Variants in ARHGEF3 observed in about 807,000 individuals in gnomAD.
ARHGEF3 encodes Rho guanine nucleotide exchange factor 3.
A neutral mutation model predicts 63.2 loss-of-function variants in ARHGEF3; 28 were observed. The observed-to-expected ratio is 0.44, with a 90% CI of 0.33 to 0.61. The LOEUF is 0.61. Ranked by LOEUF, ARHGEF3 falls within the 20% of genes least tolerant of loss-of-function variation. The pLI, the probability that ARHGEF3 is intolerant of heterozygous loss-of-function variation, is 0.03. For missense variants in ARHGEF3, 533 were observed against 659.3 expected (o/e 0.81, Z 2.10); for synonymous variants, 266 against 254.2 (o/e 1.05, Z -0.44).
intron 2 of ARHGEF3, among the ~76,000 whole-genome samples, chr3:56,971,297 C>A (rs1700900576): frequency 6.6e-6 from 1 of 152,064 alleles, no homozygotes. Flanking sequence ...CGGCAGGGAC[C>A]CCGAAGCAAG....
intron 2 of ARHGEF3, among the ~76,000 whole-genome samples, chr3:57,028,459 G>A (rs1235852705): frequency 7.0e-5 from 7 of 100,214 alleles, no homozygotes; most frequent in African/African-American, 2.4e-4. Context: ...ACCAAACACC[G>A]CATATTCTCA....
chr3:57,058,792 C>G (rs548158368), intron 1 of ARHGEF3, among the ~76,000 whole-genome samples: 1 of 152,126 alleles, frequency 6.6e-6, no homozygotes, highest in African/African-American at 2.4e-5. Context: ...CACATATACA[C>G]CATGGAATAC....
At chr3:56,957,786 C>T (rs1578950130) in intron 3 of ARHGEF3, among the ~76,000 whole-genome samples, 1 of 152,048 alleles carries the variant, frequency 6.6e-6, no homozygotes, top group Non-Finnish European at 1.5e-5. Context: ...AGAGAGTGCT[C>T]TAGGCAGAAG....
At chr3:56,842,568 T>C (rs1500708) in intron 4 of ARHGEF3, among the ~76,000 whole-genome samples, 114,803 of 152,074 alleles carry the variant, frequency 0.75, 43,455 homozygotes, top group East Asian at 0.81. Context: ...GAGTTTCTTC[T>C]GGTACCCTTC....
At chr3:57,019,627 T>C (rs1703163412) in intron 2 of ARHGEF3, among the ~76,000 whole-genome samples, 1 of 152,182 alleles carries the variant, frequency 6.6e-6, no homozygotes, top group African/African-American at 2.4e-5. Context: ...AGATGCCACA[T>C]CAGATCAGGC....
chr3:57,037,876 AAAAACAAAAC>A (rs10655156), intron 1 of ARHGEF3, among the ~76,000 whole-genome samples: 35 of 146,386 alleles, frequency 2.4e-4, no homozygotes, highest in African/African-American at 7.8e-4. Context: ...CTCCGTCTCA[AAAAACAAAAC>A]AAAACAAAAC....
chr3:56,732,376 C>T lies in ARHGEF3; in HGVS notation c.1090G>A (p.Val364Ile), dbSNP rs575159516. The T allele has an allele frequency of 3.2e-5, 51 of 1,614,110 alleles. No individual in the cohort carries two copies. The highest frequency in any genetic ancestry group is 2.3e-4 in the Admixed American group (14 of 60,018). ...FQEVLVITRA[V>I]THNEQLCYQL... ...TAGCAAAGCTGCTCATTGTGGGTGA[C>T]GGCTCGAGTGATCACAAGCACTTCT... Residue 364 changes from valine to isoleucine, a missense_variant, in exon 9 of 10, where the codon GTC becomes ATC. Coordinates refer to ENST00000296315, the MANE Select transcript of ARHGEF3 (RefSeq NM_019555.3).
At chr3:57,072,852 CT>C (rs1705997828) in intron 1 of ARHGEF3, among the ~76,000 whole-genome samples, 2 of 152,136 alleles carry the variant, frequency 1.3e-5, no homozygotes, top group Admixed American at 6.6e-5. Flanking sequence ...CAAGACCAGC[CT>C]GGCCAAGATG....
At chr3:57,043,492 A>C (rs1579156107) in intron 1 of ARHGEF3, among the ~76,000 whole-genome samples, 1 of 8,682 alleles carries the variant, frequency 1.2e-4, no homozygotes, top group Admixed American at 1.8e-3. Context: ...TTCAAAGTTA[A>C]AAAAAAAAAA....
rs554200155 is a variant in ARHGEF3 at position 56,916,426 on chromosome 3, A to C, written c.130-34072T>G. On this transcript the variant is annotated intron_variant, in intron 3 of 12. Coordinates refer to the ARHGEF3 transcript ENST00000338458. Reference sequence around the variant, plus strand: ...GCACAGGATTCTCTGAACAGGGCTGAGCATAGTTTCCCTGAAGGAACTCCT... The same window carrying C: ...GCACAGGATTCTCTGAACAGGGCTGCGCATAGTTTCCCTGAAGGAACTCCT... The C allele has an allele frequency of 8.4e-4, 1,226 of 1,465,768 alleles. 7 individuals are homozygous for C. Among genetic ancestry groups the C allele is most frequent in the Admixed American group, 5.9e-3 (237 of 40,424 alleles). The allele number at this position is 1,465,768 out of a possible 1,614,324, so 90.8% of individuals were successfully genotyped here.
chr3:56,804,405 T>C (rs2037790454), upstream of ARHGEF3, among the ~76,000 whole-genome samples: 1 of 152,178 alleles, frequency 6.6e-6, no homozygotes, highest in African/African-American at 2.4e-5. Context: ...AGTTCCTACT[T>C]CTCAGGCAGG....
intron 4 of ARHGEF3, among the ~76,000 whole-genome samples, chr3:56,868,770 A>G (rs2040339538): frequency 6.6e-6 from 1 of 152,226 alleles, no homozygotes; most frequent in Non-Finnish European, 1.5e-5. Context: ...GAAAAAGGAG[A>G]AAAACAACCA....
chr3:56,966,047 CATGAT>C (rs771525088), intron 2 of ARHGEF3, among the ~76,000 whole-genome samples: 21 of 152,114 alleles, frequency 1.4e-4, no homozygotes, highest in Non-Finnish European at 2.6e-4. Context: ...AGGAGATATA[CATGAT>C]ATGATATGAT....
At chr3:56,758,981 C>T (rs939884357) in intron 2 of ARHGEF3, among the ~76,000 whole-genome samples, 15 of 152,142 alleles carry the variant, frequency 9.9e-5, no homozygotes, top group African/African-American at 2.9e-4. Flanking sequence ...CCTTGGCTAA[C>T]TTTAAACTCC....
rs1178016893 is a variant in ARHGEF3 at position 56,729,433 on chromosome 3, C to T, written c.1418G>A (p.Gly473Glu). 1 of 1,613,954 alleles carries T rather than the reference C, an allele frequency of 6.2e-7. No homozygotes were observed. Among genetic ancestry groups the T allele is most frequent in the Non-Finnish European group, 8.5e-7 (1 of 1,180,020 alleles). Residue 473 changes from glycine to glutamate, a missense_variant, in exon 10 of 10, where the codon GGG (glycine) becomes GAG (glutamate). Transcript: ENST00000296315. The stretch of plus-strand genomic sequence containing the variant: ...TGTTTCTCCCTGTAGCTCTCTGCTC[C>T]CGGTGGTGGGATTTAGGAACGATCC... ...SEGSFLNPTT[G>E]SRELQGETKL...
chr3:56,870,901 C>T (rs1285312198), intron 4 of ARHGEF3, among the ~76,000 whole-genome samples: 1 of 152,060 alleles, frequency 6.6e-6, no homozygotes, highest in African/African-American at 2.4e-5. Context: ...TATCTCTTCT[C>T]ACAGCAATCA....
intron 2 of ARHGEF3, among the ~76,000 whole-genome samples, chr3:57,013,680 G>T (rs1702809368): frequency 6.6e-6 from 1 of 152,190 alleles, no homozygotes. Context: ...TCAGTGCTCT[G>T]TGTCTAGCTA....
chr3:56,859,716 T>TA (rs1454474933), intron 4 of ARHGEF3, among the ~76,000 whole-genome samples: 1 of 135,780 alleles, frequency 7.4e-6, no homozygotes, highest in Admixed American at 7.4e-5. Flanking sequence ...TTTTTTTTTT[T>TA]AAGTTAGAGA....
chr3:56,787,883 C>T (rs1158950519), intron 1 of ARHGEF3, among the ~76,000 whole-genome samples: 1 of 152,142 alleles, frequency 6.6e-6, no homozygotes, highest in Admixed American at 6.5e-5. Flanking sequence ...AAGGGCCTCG[C>T]CTGAAGTCAC....
Sources: gnomAD v4.1 joint callset for allele counts (sites outside exome capture counted in the v4.1 genomes callset) on GRCh38, gnomAD v4.1.1 for gene constraint, MANE v1.5 for transcripts, NCBI Gene and HGNC (gene_info 2026-07-23, HGNC 2026-07-21) for gene names.